The following MMP26 variants were observed in gnomAD, a reference collection of about 807,000 sequenced individuals.
MMP26 encodes the protein matrix metalloproteinase-26.
In MMP26, 33 loss-of-function variants were observed where a neutral mutation model predicts 31.0. The observed-to-expected ratio is 1.06, with a 90% CI of 0.81 to 1.42. MMP26 has a LOEUF of 1.42. MMP26 is among the 40% of genes most tolerant of loss of function. The probability of loss-of-function intolerance (pLI) is 0.00; values close to 1 mark genes in which losing one functional copy is unlikely to be tolerated. For synonymous variants in MMP26, 122 were observed against 114.9 expected (o/e 1.06, Z -0.40); for missense variants, 347 against 316.1 (o/e 1.10, Z -0.74).
chr11:4,746,876 C>CAA (rs1491444729), intron 1 of MMP26, among the ~76,000 whole-genome samples: 1 of 143,438 alleles, frequency 7.0e-6, no homozygotes, highest in Admixed American at 7.9e-5. Context: ...CACACACACA[C>CAA]AAAGGCTATA....
intron 2 of MMP26, among the ~76,000 whole-genome samples, chr11:4,980,593 A>G (rs187602322): frequency 1.3e-5 from 2 of 152,262 alleles, no homozygotes; most frequent in East Asian, 3.9e-4. Flanking sequence ...CCAACGAAAT[A>G]GTGAAAGCTG....
intron 2 of MMP26, among the ~76,000 whole-genome samples, chr11:4,935,389 A>G (rs1482673014): frequency 4.6e-5 from 7 of 151,738 alleles, no homozygotes; most frequent in African/African-American, 1.2e-4. Flanking sequence ...TCTGTTGTTG[A>G]TGTATAAGAA....
chr11:4,814,441 A>G (rs1200262972), intron 2 of MMP26, among the ~76,000 whole-genome samples: 2 of 152,230 alleles, frequency 1.3e-5, no homozygotes, highest in Non-Finnish European at 2.9e-5. Flanking sequence ...GAAAAAAAGT[A>G]AATATAGAAT....
At chr11:4,935,550 T>C (rs1179159647) in intron 2 of MMP26, among the ~76,000 whole-genome samples, 1 of 151,840 alleles carries the variant, frequency 6.6e-6, no homozygotes, top group African/African-American at 2.4e-5. Flanking sequence ...CCTCTTTTCC[T>C]AATTGAATAC....
At chr11:4,873,492 T>C (rs1850337343) in intron 2 of MMP26, among the ~76,000 whole-genome samples, 1 of 152,122 alleles carries the variant, frequency 6.6e-6, no homozygotes. Flanking sequence ...TGGCAGGCCA[T>C]TGGTATTAAA....
At chr11:4,731,232 C>A (rs1848169433) in intron 1 of MMP26, among the ~76,000 whole-genome samples, 1 of 152,138 alleles carries the variant, frequency 6.6e-6, no homozygotes, top group African/African-American at 2.4e-5. Context: ...AGCCACTGTG[C>A]CTGGCCAGAT....
intron 1 of MMP26, chr11:4,710,437 A>G (rs1171738390): frequency 2.2e-6 from 1 of 456,912 alleles, no homozygotes; most frequent in Admixed American, 2.3e-5. Context: ...CCTGTAATGA[A>G]TCCCATAATC....
rs932228480 is a variant in MMP26, at chr11:4,988,137, C to T, written c.-75C>T. ...TGGCAGAGTGAGTCATTGGATGTTG[C>T]TGGCACAGCTATAAAGATCCAGTGG... On this transcript the variant is annotated 5_prime_UTR_variant, in exon 3 of 8. Coordinates refer to ENST00000380390, the MANE Select transcript of MMP26 (RefSeq NM_021801.5). 2 of 1,310,288 alleles carry T rather than the reference C, an allele frequency of 1.5e-6. No homozygotes were observed. The highest frequency in any genetic ancestry group is 2.2e-6 in the Non-Finnish European group (2 of 903,498). 81.2% of individuals were successfully genotyped at this position (1,310,288 alleles called of 1,614,324 possible). A position where few individuals can be genotyped will look rare whatever the true frequency, so the allele number is the denominator to read the frequency against.
intron 1 of MMP26, among the ~76,000 whole-genome samples, chr11:4,732,955 T>C (rs972422053): frequency 2.6e-5 from 4 of 152,248 alleles, no homozygotes; most frequent in African/African-American, 9.6e-5. Context: ...AAAAATTAGC[T>C]GACAGGACAC....
chr11:4,715,016 T>C (rs542116069), intron 1 of MMP26, among the ~76,000 whole-genome samples: 192 of 152,052 alleles, frequency 1.3e-3, no homozygotes, highest in Non-Finnish European at 2.3e-3. Context: ...AAGCCACATA[T>C]ATAATTTTAG....
intron 7 of MMP26, 25 bp downstream of exon 7, chr11:4,992,150 G>A: frequency 6.2e-7 from 1 of 1,611,244 alleles, no homozygotes; most frequent in Non-Finnish European, 8.5e-7. Context: ...AGGAAGAGAA[G>A]GGAGATCTGG....
chr11:4,908,284 G>T, intron 2 of MMP26: 1 of 1,614,052 alleles, frequency 6.2e-7, no homozygotes, highest in Non-Finnish European at 8.5e-7. Flanking sequence ...TCTTGGGGAA[G>T]TTGCTTAATG....
intron 2 of MMP26, among the ~76,000 whole-genome samples, chr11:4,894,027 AC>A (rs756818342): frequency 7.9e-5 from 12 of 152,200 alleles, no homozygotes; most frequent in Non-Finnish European, 1.5e-4. Context: ...TAAAATATAA[AC>A]ATACAATTAT....
chr11:4,842,266 T>G (rs1247277493), intron 2 of MMP26, among the ~76,000 whole-genome samples: 2 of 152,204 alleles, frequency 1.3e-5, no homozygotes, highest in African/African-American at 4.8e-5. Flanking sequence ...TAAGTTGTTA[T>G]TAGGTTAAAA....
At chr11:4,851,056 C>T (rs574922930) in intron 2 of MMP26, among the ~76,000 whole-genome samples, 3 of 152,116 alleles carry the variant, frequency 2.0e-5, no homozygotes, top group Admixed American at 6.6e-5. Flanking sequence ...ACATCCTCTC[C>T]CCTACAAAGC....
chr11:4,764,445 C>T (rs946788615), intron 1 of MMP26, among the ~76,000 whole-genome samples: 1 of 152,170 alleles, frequency 6.6e-6, no homozygotes, highest in Admixed American at 6.5e-5. Context: ...TATACTGGGC[C>T]TGTGCACATG....
At chr11:4,764,471 A>T (rs1212497775) in intron 1 of MMP26, among the ~76,000 whole-genome samples, 1 of 152,224 alleles carries the variant, frequency 6.6e-6, no homozygotes, top group African/African-American at 2.4e-5. Flanking sequence ...ATTGGTTAAT[A>T]CTAGACAGTT....
intron 2 of MMP26, chr11:4,876,042 G>T (rs1306611871): frequency 6.6e-6 from 1 of 152,090 alleles, no homozygotes; most frequent in East Asian, 1.9e-4. Flanking sequence ...ACTAAAGAGG[G>T]AAATAATCAT....
intron 2 of MMP26, chr11:4,914,544 A>C (rs1589937343): frequency 1.8e-6 from 1 of 541,198 alleles, no homozygotes. Flanking sequence ...ATTACATTTT[A>C]CCCCCCCCTG....
Sources: gnomAD v4.1 joint callset for allele counts (sites outside exome capture counted in the v4.1 genomes callset) on GRCh38, gnomAD v4.1.1 for gene constraint, MANE v1.5 for transcripts, NCBI Gene and HGNC (gene_info 2026-07-23, HGNC 2026-07-21) for gene names.